Variants in AGPS observed in about 807,000 individuals in gnomAD.
The protein encoded by AGPS is alkylglycerone phosphate synthase.
In AGPS, 26 loss-of-function variants were observed where a neutral mutation model predicts 90.7. The observed-to-expected ratio is 0.29, with a 90% CI of 0.21 to 0.40. AGPS has a LOEUF of 0.40. Among genes scored for constraint, AGPS ranks in the 10% least tolerant of loss-of-function variants. AGPS has a pLI of 1.00. For missense variants in AGPS, 540 were observed against 816.1 expected, an observed-to-expected ratio of 0.66 and a Z score of 4.12; for synonymous variants, 294 against 285.3, an observed-to-expected ratio of 1.03 and a Z score of -0.31.
chr2:177,430,823 C>G (rs2105621937), intron 2 of AGPS, among the ~76,000 whole-genome samples: 1 of 152,152 alleles, frequency 6.6e-6, no homozygotes. Context: ...TTTCTATAAA[C>G]TAAAATTTTT....
chr2:177,411,927 C>A (rs1414860160), intron 1 of AGPS, among the ~76,000 whole-genome samples: 4 of 152,066 alleles, frequency 2.6e-5, no homozygotes, highest in Non-Finnish European at 5.9e-5. Flanking sequence ...GAGCATCTTA[C>A]ACAATGGGAG....
At chr2:177,521,905 T>C (rs979844667) in intron 18 of AGPS, among the ~76,000 whole-genome samples, 2 of 152,226 alleles carry the variant, frequency 1.3e-5, no homozygotes, top group African/African-American at 4.8e-5. Flanking sequence ...TCCTTATGAG[T>C]ACGCCTAAAC....
intron 11 of AGPS, among the ~76,000 whole-genome samples, chr2:177,491,122 G>A (rs555443091): frequency 1.3e-4 from 16 of 122,028 alleles, no homozygotes; most frequent in African/African-American, 2.9e-4. Flanking sequence ...CCAAAATGCT[G>A]AGATTATAGG....
chr2:177,529,506 T>C (rs10180514), intron 19 of AGPS, among the ~76,000 whole-genome samples: 131,327 of 152,174 alleles, frequency 0.86, 56,871 homozygotes, highest in East Asian at 0.95. Flanking sequence ...GCAGTAGTCT[T>C]GTAGTTAATT....
intron 2 of AGPS, among the ~76,000 whole-genome samples, chr2:177,431,382 G>A (rs942507527): frequency 6.6e-5 from 10 of 152,274 alleles, no homozygotes; most frequent in East Asian, 1.9e-4. Context: ...GTCTGTGTTC[G>A]GCTGTGCACG....
At chr2:177,488,153 A>C (rs1366361806) in intron 11 of AGPS, among the ~76,000 whole-genome samples, 1 of 152,058 alleles carries the variant, frequency 6.6e-6, no homozygotes, top group East Asian at 1.9e-4. Context: ...TCTACATTTT[A>C]AGTTTTTATG....
intron 7 of AGPS, among the ~76,000 whole-genome samples, chr2:177,443,703 G>T (rs1686682502): frequency 6.6e-6 from 1 of 152,170 alleles, no homozygotes; most frequent in African/African-American, 2.4e-5. Context: ...TTATTGTAAG[G>T]TTCCCCATTA....
intron 2 of AGPS, among the ~76,000 whole-genome samples, chr2:177,421,544 CT>C (rs902262848): frequency 1.3e-4 from 20 of 150,760 alleles, no homozygotes; most frequent in Non-Finnish European, 2.5e-4. Context: ...GTACATTTGA[CT>C]TTTTTTTTAA....
At chr2:177,406,362 T>C (rs1454587270) in intron 1 of AGPS, among the ~76,000 whole-genome samples, 1 of 152,198 alleles carries the variant, frequency 6.6e-6, no homozygotes, top group East Asian at 1.9e-4. Flanking sequence ...GATATATAGA[T>C]ATATAAAAGA....
chr2:177,430,170 C>T (rs1228510480), intron 2 of AGPS, among the ~76,000 whole-genome samples: 3 of 152,254 alleles, frequency 2.0e-5, no homozygotes, highest in Non-Finnish European at 4.4e-5. Context: ...CTGAGTCAAC[C>T]TAACCACAGA....
At position 177,446,781 on chromosome 2, in the gene AGPS, A is replaced by G. The variant is rs147904236; in HGVS notation, c.870+1155A>G. ...TGGAACAAAATGGAACAGTTTGAAC[A>G]TGGAATTCTAGGATCTTGGTGATAT... On this transcript the variant is annotated intron_variant, in intron 8 of 19. Transcript: ENST00000264167. Among the ~76,000 whole-genome samples the G allele has an allele frequency of 6.5e-3, 986 of 152,324 alleles. 9 individuals are homozygous for G. Among genetic ancestry groups the G allele is most frequent in the African/African-American group, 0.023 (945 of 41,570 alleles).
At chr2:177,508,655 A>G (rs1157894253) in intron 16 of AGPS, among the ~76,000 whole-genome samples, 2 of 152,208 alleles carry the variant, frequency 1.3e-5, no homozygotes, top group Non-Finnish European at 1.5e-5. Context: ...AAAACTGATT[A>G]GGAAATGCGA....
intron 19 of AGPS, among the ~76,000 whole-genome samples, chr2:177,525,076 G>A (rs1397842272): frequency 6.6e-6 from 1 of 152,036 alleles, no homozygotes; most frequent in Non-Finnish European, 1.5e-5. Flanking sequence ...CCTTTCATTT[G>A]ATGGTGGTTC....
Position 177,420,272 on chromosome 2 carries a change from A to G in AGPS, c.264A>G (p.Gln88=), listed in dbSNP as rs1685908436. The change falls in exon 2 of 20, where the codon CAA becomes CAG. Residue 88 remains glutamine (Q), a synonymous_variant. Transcript: ENST00000264167. The stretch of plus-strand genomic sequence containing the variant: ...ATATATATTTTCTTCTCACTAGGCA[A>G]GAAGTTATGAAATGGAATGGATGGG... ...QESGTIPKKR[Q]EVMKWNGWGY... The G allele has an allele frequency of 6.2e-7, 1 of 1,602,492 alleles. No homozygotes were observed. Among genetic ancestry groups the G allele is most frequent in the Non-Finnish European group, 8.5e-7 (1 of 1,170,274 alleles).
chr2:177,521,196 C>G, intron 17 of AGPS, 73 bp from the exon 18 acceptor site: 1 of 1,307,932 alleles, frequency 7.6e-7, no homozygotes, highest in Non-Finnish European at 1.1e-6. Context: ...GTCGTCTTGA[C>G]TTTCAGTTTC....
At chr2:177,450,634 T>TATA (rs1338932868) in intron 8 of AGPS, among the ~76,000 whole-genome samples, 2 of 152,162 alleles carry the variant, frequency 1.3e-5, no homozygotes, top group Non-Finnish European at 2.9e-5. Flanking sequence ...CTGGACTCTA[T>TATA]ATATGTCTCT....
At chr2:177,448,728 T>G (rs1359524087) in intron 8 of AGPS, among the ~76,000 whole-genome samples, 1 of 152,188 alleles carries the variant, frequency 6.6e-6, no homozygotes, top group African/African-American at 2.4e-5. Context: ...ATTTGATAAG[T>G]TTCGACATAT....
intron 3 of AGPS, among the ~76,000 whole-genome samples, chr2:177,434,714 G>A (rs1487750534): frequency 1.3e-5 from 2 of 151,962 alleles, no homozygotes; most frequent in Admixed American, 6.6e-5. Flanking sequence ...CTATCACAGG[G>A]TAGTAGTGAA....
rs566408098 is a variant in AGPS, at chr2:177,506,393, C to T, written c.1545+818C>T. ...AATAAATATACATATTTTCAGGGTA[C>T]GTATGATATTTTGATAGCTTCATAT... On this transcript the variant is annotated intron_variant, in intron 15 of 19. Coordinates refer to ENST00000264167, the MANE Select transcript of AGPS (RefSeq NM_003659.4). Among the ~76,000 whole-genome samples, 461 of 151,406 alleles carry T rather than the reference C, an allele frequency of 3.0e-3. 4 individuals carry two copies. Among genetic ancestry groups the T allele is most frequent in the African/African-American group, 0.01 (427 of 41,364 alleles).
Sources: gnomAD v4.1 joint callset for allele counts (sites outside exome capture counted in the v4.1 genomes callset) on GRCh38, gnomAD v4.1.1 for gene constraint, MANE v1.5 for transcripts, NCBI Gene and HGNC (gene_info 2026-07-23, HGNC 2026-07-21) for gene names.